The following MTFR1 variants were observed in gnomAD, a reference collection of about 807,000 sequenced individuals.
MTFR1 encodes chondrocyte protein with a poly-proline region.
A neutral mutation model predicts 38.8 loss-of-function variants in MTFR1; 28 were observed. That is an observed-to-expected ratio of 0.72 (90% CI 0.53 to 0.99). The LOEUF (loss-of-function observed/expected upper bound fraction) is 0.99, where lower values mean the gene tolerates loss of function less well. Ranked by LOEUF, MTFR1 falls within the 50% of genes least tolerant of loss-of-function variation. MTFR1 has a pLI of 0.00. For missense variants in MTFR1, 358 were observed against 395.5 expected (o/e 0.91, Z 0.81); for synonymous variants, 145 against 137.0 (o/e 1.06, Z -0.41).
At chr8:65,658,332 CAG>C (rs1181992441) in intron 1 of MTFR1, among the ~76,000 whole-genome samples, 1 of 152,148 alleles carries the variant, frequency 6.6e-6, no homozygotes, top group Admixed American at 6.5e-5. Flanking sequence ...ATCTCAAAAA[CAG>C]ATATTACATT....
chr8:65,651,580 T>C (rs1809124715), intron 1 of MTFR1, among the ~76,000 whole-genome samples: 1 of 152,222 alleles, frequency 6.6e-6, no homozygotes, highest in African/African-American at 2.4e-5. Context: ...TGTATGTTCT[T>C]GGCACCTTTG....
At chr8:65,653,247 G>A (rs965641515) in intron 1 of MTFR1, among the ~76,000 whole-genome samples, 2 of 152,082 alleles carry the variant, frequency 1.3e-5, no homozygotes, top group Non-Finnish European at 2.9e-5. Flanking sequence ...AGTGGCACAC[G>A]CCTGTAATCC....
At position 65,673,126 on chromosome 8, in the gene MTFR1, AG is replaced by A. The variant is rs531097563; in HGVS notation, c.66+3109del. On this transcript the variant is annotated intron_variant, in intron 2 of 7. Coordinates refer to ENST00000262146, the MANE Select transcript of MTFR1 (RefSeq NM_014637.4). ...TAATACTTTCTAACTTTTGATTTAAAGTGAGAGACATGCAGTGCTTCTTTTC... is the reference window on the plus strand; with the variant it reads ...TAATACTTTCTAACTTTTGATTTAAATGAGAGACATGCAGTGCTTCTTTTC... Among the ~76,000 whole-genome samples, 3 of 152,198 alleles carry A rather than the reference AG, an allele frequency of 2.0e-5. No homozygotes were observed. The South Asian group carries it at 6.2e-4, about 32-fold the overall frequency.
chr8:65,730,229 G>T (rs1451506328), intron 3 of MTFR1, among the ~76,000 whole-genome samples: 3 of 126,600 alleles, frequency 2.4e-5, no homozygotes, highest in Non-Finnish European at 4.8e-5. Flanking sequence ...TGCCCAGGCT[G>T]CAGAGTAATG....
intron 2 of MTFR1, among the ~76,000 whole-genome samples, chr8:65,673,191 C>A (rs959583733): frequency 2.0e-5 from 3 of 152,132 alleles, no homozygotes; most frequent in African/African-American, 7.2e-5. Context: ...TTAAACTGGC[C>A]TAATTCCAGT....
chr8:65,755,854 C>T (rs1029136802), intron 3 of MTFR1, among the ~76,000 whole-genome samples: 3 of 152,164 alleles, frequency 2.0e-5, no homozygotes, highest in African/African-American at 7.2e-5. Context: ...AACTCCTGAG[C>T]TCAAGAGATC....
At chr8:65,700,515 C>G (rs916149152) in intron 4 of MTFR1, among the ~76,000 whole-genome samples, 4 of 152,100 alleles carry the variant, frequency 2.6e-5, no homozygotes, top group African/African-American at 4.8e-5. Flanking sequence ...TTTCTGTACA[C>G]ATTTTCATTT....
At chr8:65,723,388 C>T in intron 3 of MTFR1, 2 of 643,008 alleles carry the variant, frequency 3.1e-6, no homozygotes, top group Non-Finnish European at 4.5e-6. Context: ...TTAGAAGAGC[C>T]ATAACAAGGG....
intron 3 of MTFR1, among the ~76,000 whole-genome samples, chr8:65,730,622 T>C (rs1015875801): frequency 1.3e-5 from 2 of 152,126 alleles, no homozygotes; most frequent in African/African-American, 4.8e-5. Flanking sequence ...GCCACTGCTC[T>C]AGAGGTCTAA....
intron 4 of MTFR1, among the ~76,000 whole-genome samples, chr8:65,697,430 A>G (rs1223226425): frequency 6.6e-6 from 1 of 152,352 alleles, no homozygotes; most frequent in African/African-American, 2.4e-5. Flanking sequence ...CTGGCTATTC[A>G]TCTAAATTGT....
At chr8:65,663,128 T>G (rs1804243899) in intron 1 of MTFR1, among the ~76,000 whole-genome samples, 1 of 152,182 alleles carries the variant, frequency 6.6e-6, no homozygotes, top group African/African-American at 2.4e-5. Flanking sequence ...ATCGGATGGT[T>G]GCCGTGTCTG....
intron 1 of MTFR1, among the ~76,000 whole-genome samples, chr8:65,662,972 C>T (rs1479948742): frequency 1.3e-5 from 2 of 151,822 alleles, no homozygotes; most frequent in Non-Finnish European, 2.9e-5. Context: ...TCTGCCCGGC[C>T]GCCCCTACTG....
At chr8:65,720,344 A>G (rs1429626464) in intron 3 of MTFR1, 1 of 154,192 alleles carries the variant, frequency 6.5e-6, no homozygotes, top group Non-Finnish European at 1.5e-5. Flanking sequence ...TGATCTGTTA[A>G]GAATGGGGAA....
At chr8:65,645,558 C>G (rs1808934896) in intron 1 of MTFR1, among the ~76,000 whole-genome samples, 4 of 152,174 alleles carry the variant, frequency 2.6e-5, no homozygotes. Context: ...GAGACAGGGT[C>G]TCTGTCACCC....
At chr8:65,758,426 G>T (rs1808338177) in intron 3 of MTFR1, among the ~76,000 whole-genome samples, 1 of 152,160 alleles carries the variant, frequency 6.6e-6, no homozygotes, top group South Asian at 2.1e-4. Flanking sequence ...AACTACAGTT[G>T]TTATACTAGT....
At chr8:65,717,623 G>C (rs186433704) in intron 2 of MTFR1, 2 of 152,300 alleles carry the variant, frequency 1.3e-5, no homozygotes, top group East Asian at 1.9e-4. Flanking sequence ...TGATTTCCTT[G>C]TAATTTAGCA....
At chr8:65,776,442 G>A in the MTFR1 span, among the ~76,000 whole-genome samples, 8 of 152,030 alleles carry the variant, frequency 5.3e-5, no homozygotes, top group African/African-American at 1.7e-4. Context: ...TTGGAGCTGG[G>A]ATTTTTTCAC....
In MTFR1 at chr8:65,761,091, G is replaced by A. The variant is rs183852929; in HGVS notation, c.*49-9856G>A. On this transcript the variant is annotated intron_variant, in intron 3 of 3. Transcript: ENST00000521247. ...TTTTTTTTTTTTTAGACGGAGTCTC[G>A]CCCTGTGGCGTAGGCTAGAGTGCAG... Among the ~76,000 whole-genome samples the A allele has an allele frequency of 2.4e-3, 364 of 148,626 alleles. 7 individuals carry two copies. The highest frequency in any genetic ancestry group is 0.023 in the Admixed American group (338 of 14,878).
intron 1 of MTFR1, among the ~76,000 whole-genome samples, chr8:65,660,011 C>T (rs533217147): frequency 9.9e-5 from 15 of 152,028 alleles, no homozygotes; most frequent in South Asian, 2.1e-4. Context: ...ATCTGTGGGC[C>T]GGGCATCGTG....
Sources: gnomAD v4.1 joint callset for allele counts (sites outside exome capture counted in the v4.1 genomes callset) on GRCh38, gnomAD v4.1.1 for gene constraint, MANE v1.5 for transcripts, NCBI Gene and HGNC (gene_info 2026-07-23, HGNC 2026-07-21) for gene names.